Variants in PARD3 observed in about 807,000 individuals in gnomAD.
The protein encoded by PARD3 is par-3 family cell polarity regulator.
Under a neutral mutation model 155.4 loss-of-function variants are expected in PARD3, and 75 were observed. The ratio of observed to expected loss-of-function variants is 0.48; its 90% CI spans 0.40 to 0.58. The LOEUF (loss-of-function observed/expected upper bound fraction) is 0.58, where lower values mean the gene tolerates loss of function less well. Ranked by LOEUF, PARD3 falls within the 20% of genes least tolerant of loss-of-function variation. The pLI, the probability that PARD3 is intolerant of heterozygous loss-of-function variation, is 0.00. For synonymous variants in PARD3, 576 were observed against 610.5 expected, an observed-to-expected ratio of 0.94 and a Z score of 0.83; for missense variants, 1,642 against 1,721.7, an observed-to-expected ratio of 0.95 and a Z score of 0.82.
chr10:34,645,602 T>A (rs2092812849), intron 2 of PARD3, among the ~76,000 whole-genome samples: 1 of 152,218 alleles, frequency 6.6e-6, no homozygotes, highest in South Asian at 2.1e-4. Flanking sequence ...AAAACAGGTA[T>A]CTCTTACCAT....
intron 1 of PARD3, among the ~76,000 whole-genome samples, chr10:34,796,123 A>G (rs1002436793): frequency 6.6e-6 from 1 of 152,150 alleles, no homozygotes; most frequent in Non-Finnish European, 1.5e-5. Flanking sequence ...GCTAATGTCA[A>G]CTCATCATGT....
intron 22 of PARD3, among the ~76,000 whole-genome samples, chr10:34,245,829 T>C (rs908754734): frequency 2.6e-5 from 4 of 152,208 alleles, no homozygotes; most frequent in Non-Finnish European, 5.9e-5. Flanking sequence ...GAGTTCGTGA[T>C]GCTGTCAGGA....
chr10:34,528,324 C>T (rs1314655203), intron 2 of PARD3, among the ~76,000 whole-genome samples: 1 of 152,124 alleles, frequency 6.6e-6, no homozygotes, highest in Non-Finnish European at 1.5e-5. Context: ...CCTTCATTTG[C>T]TTCCCAAGAC....
At chr10:34,685,718 C>T (rs1370929882) in intron 2 of PARD3, among the ~76,000 whole-genome samples, 1 of 151,968 alleles carries the variant, frequency 6.6e-6, no homozygotes, top group Non-Finnish European at 1.5e-5. Context: ...CTCAGCCTCT[C>T]AAGTAACTGG....
chr10:34,556,385 C>CTT (rs5784421), intron 2 of PARD3, among the ~76,000 whole-genome samples: 2 of 137,392 alleles, frequency 1.5e-5, no homozygotes, highest in South Asian at 2.3e-4. Context: ...TTTCTTCTTT[C>CTT]TTTTTTTTTT....
intron 15 of PARD3, chr10:34,345,694 A>G (rs1392657415): frequency 1.0e-6 from 1 of 985,328 alleles, no homozygotes; most frequent in African/African-American, 1.7e-5. Context: ...ATTTTGGTTC[A>G]GAAACGGTGT....
At chr10:34,744,881 C>G (rs899448688) in intron 1 of PARD3, among the ~76,000 whole-genome samples, 1 of 152,190 alleles carries the variant, frequency 6.6e-6, no homozygotes, top group Non-Finnish European at 1.5e-5. Flanking sequence ...TCATCACAAT[C>G]ACAGGGGACC....
At chr10:34,798,951 A>G (rs116013444) in intron 1 of PARD3, among the ~76,000 whole-genome samples, 1,971 of 152,316 alleles carry the variant, frequency 0.013, 50 homozygotes, top group African/African-American at 0.045. Flanking sequence ...AGAGCTTTAC[A>G]GAAACACCAA....
chr10:34,487,004 T>C (rs1211297251), intron 3 of PARD3, among the ~76,000 whole-genome samples: 1 of 152,106 alleles, frequency 6.6e-6, no homozygotes, highest in Non-Finnish European at 1.5e-5. Flanking sequence ...AAAGCACTCA[T>C]GATACCTTTT....
intron 22 of PARD3, among the ~76,000 whole-genome samples, chr10:34,155,547 A>G (rs746701273): frequency 6.6e-6 from 1 of 152,110 alleles, no homozygotes; most frequent in Non-Finnish European, 1.5e-5. Flanking sequence ...TGGGAATTGG[A>G]GGTACTGGGT....
intron 20 of PARD3, among the ~76,000 whole-genome samples, chr10:34,297,047 G>A (rs1056772969): frequency 6.6e-6 from 1 of 152,182 alleles, no homozygotes; most frequent in Non-Finnish European, 1.5e-5. Context: ...CAGCCTGGGT[G>A]TTGTGGCTCA....
intron 9 of PARD3, among the ~76,000 whole-genome samples, 198 bp downstream of exon 9, chr10:34,382,342 C>A (rs1841946049): frequency 6.6e-6 from 1 of 152,118 alleles, no homozygotes; most frequent in South Asian, 2.1e-4. Context: ...AAACCTGAGA[C>A]ATATAAGAAA....
At chr10:34,530,103 T>G (rs1207070480) in intron 2 of PARD3, among the ~76,000 whole-genome samples, 1 of 152,016 alleles carries the variant, frequency 6.6e-6, no homozygotes, top group Non-Finnish European at 1.5e-5. Flanking sequence ...ATCATCTTCA[T>G]GAGGAAGAAG....
intron 23 of PARD3, among the ~76,000 whole-genome samples, chr10:34,125,730 A>G (rs1947253710): frequency 6.6e-6 from 1 of 152,240 alleles, no homozygotes; most frequent in Non-Finnish European, 1.5e-5. Flanking sequence ...CTAGGAAACA[A>G]GCAAGCTTGA....
chr10:34,711,453 G>A (rs184211168), intron 1 of PARD3, among the ~76,000 whole-genome samples: 86 of 152,050 alleles, frequency 5.7e-4, no homozygotes, highest in African/African-American at 2.0e-3. Context: ...CCCAGGAGGT[G>A]AAGGCTGCAG....
chr10:34,237,727 T>A (rs1457200459), intron 22 of PARD3, among the ~76,000 whole-genome samples: 1 of 152,210 alleles, frequency 6.6e-6, no homozygotes, highest in African/African-American at 2.4e-5. Context: ...AACCCCACAT[T>A]ACATTGTTAA....
rs541213926 is a variant in PARD3, at chr10:34,534,530, T to C, written c.223-17371A>G. Among the ~76,000 whole-genome samples, 4 of 152,260 alleles carry C rather than the reference T, an allele frequency of 2.6e-5. No homozygotes were observed. In the East Asian group the frequency reaches 5.8e-4, roughly 22 times the overall value. On this transcript the variant is annotated intron_variant, in intron 2 of 24. Coordinates refer to ENST00000374788, the MANE Select transcript of PARD3 (RefSeq NM_001184785.2). ...AGTGCCTCAGTTTCTGTTCGTCTAA[T>C]AAATGAAGAGGGCTACAATGCCAAC... is the stretch of plus-strand genomic sequence containing the variant.
chr10:34,650,903 C>T (rs951560547), intron 2 of PARD3, among the ~76,000 whole-genome samples: 3 of 150,684 alleles, frequency 2.0e-5, no homozygotes, highest in South Asian at 2.1e-4. Flanking sequence ...CCCAGCTACT[C>T]GGGAGGCTGA....
chr10:34,346,324 T>G, intron 15 of PARD3: 1 of 1,267,514 alleles, frequency 7.9e-7, no homozygotes, highest in South Asian at 1.4e-5. Context: ...ATTTAGGGAT[T>G]TTTTTGGTTT....
Sources: allele counts gnomAD v4.1 joint callset (sites outside exome capture counted in the v4.1 genomes callset), GRCh38; gene constraint gnomAD v4.1.1; transcripts MANE v1.5; gene names NCBI Gene and HGNC (gene_info 2026-07-23, HGNC 2026-07-21).